Variants in AGPAT3 observed in about 807,000 individuals in gnomAD.
AGPAT3 encodes 1-acylglycerol-3-phosphate O-acyltransferase 3.
In AGPAT3, 5 loss-of-function variants were observed where a neutral mutation model predicts 47.3. The ratio of observed to expected loss-of-function variants is 0.11; its 90% confidence interval spans 0.06 to 0.22. The LOEUF (loss-of-function observed/expected upper bound fraction) is 0.22. Among genes scored for constraint, AGPAT3 ranks in the 10% least tolerant of loss-of-function variants. The pLI is 1.00. For missense variants in AGPAT3, 315 were observed against 493.0 expected (o/e 0.64, Z 3.42); for synonymous variants, 212 against 208.3 (o/e 1.02, Z -0.15).
chr21:43,906,570 G>A (rs1010836804), intron 2 of AGPAT3, among the ~76,000 whole-genome samples: 1 of 152,124 alleles, frequency 6.6e-6, no homozygotes, highest in Non-Finnish European at 1.5e-5. Context: ...AGGTGGGATG[G>A]GGCGTGATGG....
At chr21:43,895,375 C>G (rs2086192197) in intron 1 of AGPAT3, among the ~76,000 whole-genome samples, 1 of 152,040 alleles carries the variant, frequency 6.6e-6, no homozygotes, top group Non-Finnish European at 1.5e-5. Flanking sequence ...TCCCAAAGTG[C>G]TAGGATTACA....
chr21:43,907,328 G>A (rs1045636699), intron 2 of AGPAT3, among the ~76,000 whole-genome samples: 3 of 152,068 alleles, frequency 2.0e-5, no homozygotes, highest in African/African-American at 4.8e-5. Context: ...GGGTGCTGCT[G>A]GTCAGAGTGG....
intron 2 of AGPAT3, among the ~76,000 whole-genome samples, chr21:43,912,905 C>T (rs145709751): frequency 9.3e-4 from 141 of 152,342 alleles, no homozygotes; most frequent in African/African-American, 3.0e-3. Flanking sequence ...GCGGTGCCTC[C>T]GGTGTTTGCC....
intron 2 of AGPAT3, among the ~76,000 whole-genome samples, chr21:43,941,959 T>A (rs142691354): frequency 6.6e-6 from 1 of 152,400 alleles, no homozygotes; most frequent in Non-Finnish European, 1.5e-5. Context: ...ATGCCAAGCC[T>A]CTCAGCTTCA....
chr21:43,916,449 G>A (rs1601296056), intron 2 of AGPAT3: 1 of 151,590 alleles, frequency 6.6e-6, no homozygotes, highest in Non-Finnish European at 1.5e-5. Context: ...GACTATATCT[G>A]CTCTAAGAAT....
intron 2 of AGPAT3, among the ~76,000 whole-genome samples, chr21:43,931,816 C>T (rs1301144508): frequency 6.6e-6 from 1 of 152,018 alleles, no homozygotes; most frequent in African/African-American, 2.4e-5. Flanking sequence ...TGATTCTAAA[C>T]ATTCTAGGTT....
At chr21:43,968,185 A>T in intron 4 of AGPAT3, 70 bp downstream of exon 4, 4 of 1,098,196 alleles carry the variant, frequency 3.6e-6, no homozygotes, top group Admixed American at 2.6e-5. Context: ...GTGAGCGGGG[A>T]CCCAGGGAGG....
chr21:43,896,686 C>T (rs1403645275), intron 1 of AGPAT3, among the ~76,000 whole-genome samples: 4 of 152,208 alleles, frequency 2.6e-5, no homozygotes, highest in African/African-American at 9.6e-5. Context: ...GTGATACAGA[C>T]TTAAAATTTT....
intron 1 of AGPAT3, among the ~76,000 whole-genome samples, chr21:43,869,911 G>A (rs2085585112): frequency 6.6e-6 from 1 of 152,188 alleles, no homozygotes; most frequent in Admixed American, 6.5e-5. Context: ...TCACTGTGTT[G>A]CCCAGGCTGG....
chr21:43,929,330 G>A (rs556972158), intron 2 of AGPAT3, among the ~76,000 whole-genome samples: 3 of 152,296 alleles, frequency 2.0e-5, no homozygotes, highest in Non-Finnish European at 1.5e-5. Flanking sequence ...ATAGTAACCC[G>A]CGCCCTGTCC....
intron 2 of AGPAT3, among the ~76,000 whole-genome samples, chr21:43,909,105 A>G (rs960617031): frequency 2.6e-5 from 4 of 152,122 alleles, no homozygotes; most frequent in African/African-American, 7.2e-5. Flanking sequence ...ATTGTCTGAT[A>G]AGGGACTTCA....
At chr21:43,907,897 G>A (rs767146269) in intron 2 of AGPAT3, among the ~76,000 whole-genome samples, 2 of 152,210 alleles carry the variant, frequency 1.3e-5, no homozygotes, top group African/African-American at 2.4e-5. Flanking sequence ...CACGTTTGTC[G>A]ATTCCCCTGC....
Position 43,867,349 on chromosome 21 carries a change from AGGTGG to A in AGPAT3, c.-112+2006_-112+2010del, listed in dbSNP as rs1423640370. On this transcript the variant is annotated intron_variant, in intron 1 of 9. Coordinates refer to ENST00000291572, the MANE Select transcript of AGPAT3 (RefSeq NM_020132.5). Reference sequence around the variant, plus strand: ...TGCTATCCCTGGTCAAATCAGAGGTAGGTGGGAAATGTTGGAATTCTCCTAAACAG... The same window carrying A: ...TGCTATCCCTGGTCAAATCAGAGGTAGAAATGTTGGAATTCTCCTAAACAG... The A allele has an allele frequency of 2.0e-5, 3 of 152,268 alleles. No individual in the cohort carries two copies. In the East Asian group the frequency reaches 5.8e-4, roughly 29 times the overall value. The allele number at this position is 152,268 out of a possible 1,614,324, so 9.4% of individuals were successfully genotyped here. A position where few individuals can be genotyped will look rare whatever the true frequency, so the allele number is the denominator to read the frequency against.
chr21:43,895,976 C>T (rs2086206646), intron 1 of AGPAT3, among the ~76,000 whole-genome samples: 1 of 152,202 alleles, frequency 6.6e-6, no homozygotes, highest in Admixed American at 6.5e-5. Context: ...CCATATTGGC[C>T]AGGCTGGTCC....
At chr21:43,868,599 G>C (rs1318449769) in intron 1 of AGPAT3, among the ~76,000 whole-genome samples, 2 of 152,176 alleles carry the variant, frequency 1.3e-5, no homozygotes, top group Non-Finnish European at 2.9e-5. Flanking sequence ...GTAACAAGCT[G>C]TACAAGGAAA....
chr21:43,980,960 G>T, intron 8 of AGPAT3, 29 bp from the exon 9 acceptor site: 1 of 1,574,140 alleles, frequency 6.4e-7, no homozygotes, highest in Non-Finnish European at 8.7e-7. Context: ...GAAGCCTCAC[G>T]CTTCCTTTTT....
intron 2 of AGPAT3, among the ~76,000 whole-genome samples, chr21:43,936,045 C>T (rs542015402): frequency 2.2e-4 from 33 of 152,372 alleles, no homozygotes; most frequent in African/African-American, 7.5e-4. Context: ...ACGGAAGGCT[C>T]ACATGCCGCA....
rs1483644284 is a variant in AGPAT3 at position 43,932,318 on chromosome 21, A to T, written c.-48-27316A>T. Among the ~76,000 whole-genome samples, 1 of 151,834 alleles carries T rather than the reference A, an allele frequency of 6.6e-6. No individual in the cohort carries two copies. Among genetic ancestry groups the T allele is most frequent in the African/African-American group, 2.4e-5 (1 of 41,306 alleles). On this transcript the variant is annotated intron_variant, in intron 2 of 9. Transcript: ENST00000291572. This position sits in a 1 kb window ranked among gnomAD's most constrained non-coding sequence, Gnocchi z 5.2. ...CCGTGCTCCTCCCAGTTCTGGTGAG[A>T]CCTCCGTTTCCGATTCCTCGTGTGA...
intron 1 of AGPAT3, among the ~76,000 whole-genome samples, chr21:43,895,797 C>T (rs1282317590): frequency 2.6e-5 from 4 of 151,858 alleles, no homozygotes; most frequent in African/African-American, 7.3e-5. Context: ...GACAGAGTCT[C>T]GCTCTGTTGC....
Sources: gnomAD v4.1 joint callset for allele counts (sites outside exome capture counted in the v4.1 genomes callset) on GRCh38, gnomAD v4.1.1 for gene constraint, Gnocchi (gnomAD v3.1) non-coding constraint, MANE v1.5 for transcripts, NCBI Gene and HGNC (gene_info 2026-07-23, HGNC 2026-07-21) for gene names.